Variants in GDPD4 observed in about 807,000 individuals in gnomAD.
GDPD4 encodes the protein glycerophosphodiester phosphodiesterase domain containing 4.
Under a neutral mutation model 67.8 loss-of-function variants are expected in GDPD4, and 60 were observed. The observed-to-expected ratio is 0.88, with a 90% CI of 0.72 to 1.10. The LOEUF (loss-of-function observed/expected upper bound fraction) is 1.10. Among genes scored for constraint, GDPD4 ranks in the 50% least tolerant of loss-of-function variants. The pLI is 0.00. For missense variants in GDPD4, 623 were observed against 613.9 expected (o/e 1.01, Z -0.16); for synonymous variants, 212 against 210.9 (o/e 1.00, Z -0.04).
At chr11:77,227,300 T>G (rs1958361165) in intron 16 of GDPD4, among the ~76,000 whole-genome samples, 1 of 152,238 alleles carries the variant, frequency 6.6e-6, no homozygotes, top group Admixed American at 6.5e-5. Context: ...GTGACTTGAC[T>G]CTGGTTTAGC....
intron 4 of GDPD4, among the ~76,000 whole-genome samples, chr11:77,277,659 C>CT (rs1225190169): frequency 6.6e-6 from 1 of 151,894 alleles, no homozygotes; most frequent in Non-Finnish European, 1.5e-5. Context: ...ATTAGTCTTG[C>CT]TAGCGGTCTA....
At chr11:77,255,730 G>A (rs988631543) in intron 11 of GDPD4, among the ~76,000 whole-genome samples, 13 of 151,926 alleles carry the variant, frequency 8.6e-5, no homozygotes, top group African/African-American at 2.4e-4. Flanking sequence ...GCATGGTGGC[G>A]CGTAGCTATA....
chr11:77,227,134 C>G (rs1015373246), intron 16 of GDPD4, among the ~76,000 whole-genome samples: 5 of 152,208 alleles, frequency 3.3e-5, no homozygotes, highest in African/African-American at 1.2e-4. Flanking sequence ...CCAAAACTTA[C>G]TGTGTGATCA....
At chr11:77,279,754 T>TA (rs1459181808) in intron 3 of GDPD4, among the ~76,000 whole-genome samples, 1 of 152,086 alleles carries the variant, frequency 6.6e-6, no homozygotes, top group African/African-American at 2.4e-5. Context: ...ACTAATACTT[T>TA]ACACTTTGGC....
intron 1 of GDPD4, among the ~76,000 whole-genome samples, chr11:77,299,736 G>C (rs574506618): frequency 6.6e-6 from 1 of 152,160 alleles, no homozygotes; most frequent in Non-Finnish European, 1.5e-5. Flanking sequence ...TGCCTCACCG[G>C]ATGTCTGTTC....
At chr11:77,249,949 C>G (rs149199383) in intron 11 of GDPD4, among the ~76,000 whole-genome samples, 1 of 152,014 alleles carries the variant, frequency 6.6e-6, no homozygotes, top group African/African-American at 2.4e-5. Flanking sequence ...TTCAGAAGCA[C>G]GTTGTTTAAT....
chr11:77,251,470 T>C (rs761139052), intron 11 of GDPD4, among the ~76,000 whole-genome samples: 22 of 152,218 alleles, frequency 1.4e-4, no homozygotes, highest in African/African-American at 5.1e-4. Context: ...TTCTGAAGAA[T>C]AGATTTACTG....
intron 1 of GDPD4, among the ~76,000 whole-genome samples, chr11:77,296,451 G>A (rs1056415737): frequency 1.3e-4 from 20 of 150,668 alleles, no homozygotes; most frequent in Admixed American, 1.1e-3. Flanking sequence ...CTCCTGAGTA[G>A]CTGGCATTAC....
chr11:77,281,894 C>G (rs183490809), intron 3 of GDPD4, among the ~76,000 whole-genome samples: 2 of 151,842 alleles, frequency 1.3e-5, no homozygotes, highest in Non-Finnish European at 2.9e-5. Flanking sequence ...TCCTCTTCTA[C>G]GGCACACGTA....
intron 1 of GDPD4, among the ~76,000 whole-genome samples, chr11:77,300,562 AGTCTGTAAGGATATAGAC>A (rs1456654405): frequency 2.6e-5 from 4 of 152,220 alleles, no homozygotes; most frequent in African/African-American, 9.6e-5. Context: ...GCAGAAAAAA[AGTCTGTAAGGATATAGAC>A]GACTGTAAAA....
At chr11:77,283,036 C>T (rs919620087) in intron 3 of GDPD4, among the ~76,000 whole-genome samples, 1 of 152,200 alleles carries the variant, frequency 6.6e-6, no homozygotes, top group Non-Finnish European at 1.5e-5. Context: ...CAACTTTGCA[C>T]TAAGATTGAA....
intron 14 of GDPD4, among the ~76,000 whole-genome samples, chr11:77,232,216 A>G (rs1474433345): frequency 6.6e-6 from 1 of 152,256 alleles, no homozygotes; most frequent in Non-Finnish European, 1.5e-5. Flanking sequence ...TCTAAAAGTT[A>G]TCTAACAGTG....
chr11:77,281,423 AAGAG>A (rs1408067385), intron 3 of GDPD4, among the ~76,000 whole-genome samples: 4 of 152,198 alleles, frequency 2.6e-5, no homozygotes, highest in Non-Finnish European at 5.9e-5. Context: ...CAGAGGGGAA[AAGAG>A]AGAGTTACGG....
At chr11:77,282,357 G>C (rs1156503790) in intron 3 of GDPD4, among the ~76,000 whole-genome samples, 2 of 151,958 alleles carry the variant, frequency 1.3e-5, no homozygotes, top group African/African-American at 2.4e-5. Context: ...CAAGAAAAGA[G>C]GAAAAAAGAA....
chr11:77,243,678 G>A lies in GDPD4; in HGVS notation c.1241+16C>T, dbSNP rs186959963. 2,746 of 1,601,764 alleles carry A rather than the reference G, an allele frequency of 1.7e-3. 4 individuals are homozygous for A. Among genetic ancestry groups the A allele is most frequent in the Admixed American group, 2.4e-3 (143 of 59,842 alleles). ...TAAGGCAATATGTGCCAAGAGAGGT[G>A]TGGTCAAACACTTACCTTAACCCAT... is the stretch of plus-strand genomic sequence containing the variant. On this transcript the variant is annotated intron_variant, in intron 13 of 16. Transcript: ENST00000315938.
At chr11:77,233,502 C>T (rs1021740695) in intron 13 of GDPD4, among the ~76,000 whole-genome samples, 1 of 147,408 alleles carries the variant, frequency 6.8e-6, no homozygotes, top group African/African-American at 2.5e-5. Flanking sequence ...CCTATTGTAG[C>T]ATATGCAAAT....
chr11:77,221,405 G>A (rs1958221566), intron 16 of GDPD4, among the ~76,000 whole-genome samples: 1 of 152,178 alleles, frequency 6.6e-6, no homozygotes, highest in African/African-American at 2.4e-5. Context: ...TGCTTTACAT[G>A]TGTCCCAGAG....
At chr11:77,234,343 C>T (rs982291112) in intron 13 of GDPD4, among the ~76,000 whole-genome samples, 9 of 152,116 alleles carry the variant, frequency 5.9e-5, no homozygotes, top group African/African-American at 2.2e-4. Flanking sequence ...AACTCAAAAA[C>T]CAATCACATT....
At chr11:77,255,247 G>A (rs1958981465) in intron 11 of GDPD4, among the ~76,000 whole-genome samples, 1 of 152,074 alleles carries the variant, frequency 6.6e-6, no homozygotes, top group African/African-American at 2.4e-5. Context: ...TTCAAAACTG[G>A]AGACAGTTTT....
Sources: gnomAD v4.1 joint callset for allele counts (sites outside exome capture counted in the v4.1 genomes callset) on GRCh38, gnomAD v4.1.1 for gene constraint, MANE v1.5 for transcripts, NCBI Gene and HGNC (gene_info 2026-07-23, HGNC 2026-07-21) for gene names.